The following SPON1 variants were observed in gnomAD, a reference collection of about 807,000 sequenced individuals.
SPON1 encodes spondin-1.
Under a neutral mutation model 111.7 loss-of-function variants are expected in SPON1, and 52 were observed. The observed-to-expected ratio is 0.47, with a 90% CI of 0.37 to 0.59. The LOEUF (loss-of-function observed/expected upper bound fraction) is 0.59, where lower values mean the gene tolerates loss of function less well. Ranked by LOEUF, SPON1 falls within the 20% of genes least tolerant of loss-of-function variation. The pLI, the probability that SPON1 is intolerant of heterozygous loss-of-function variation, is 0.00. For synonymous variants in SPON1, 410 were observed against 395.8 expected, an observed-to-expected ratio of 1.04 and a Z score of -0.43; for missense variants, 957 against 1,068.5, an observed-to-expected ratio of 0.90 and a Z score of 1.46.
Position 14,259,201 on chromosome 11 carries a change from G to A in SPON1, c.1493-79G>A, listed in dbSNP as rs2133926309. The A allele has an allele frequency of 6.9e-7, 1 of 1,452,766 alleles. No individual in the cohort carries two copies. The highest frequency in any genetic ancestry group is 9.2e-7 in the Non-Finnish European group (1 of 1,089,428). The allele number at this position is 1,452,766 out of a possible 1,614,324, so 90.0% of individuals were successfully genotyped here. A position where few individuals can be genotyped will look rare whatever the true frequency, so the allele number is the denominator to read the frequency against. ...GCCTGACTCCTCTTGATTCCCGCTGGCGGGAAGTTCCCACCGCGCAGCCTG... is the reference window on the plus strand; with the variant it reads ...GCCTGACTCCTCTTGATTCCCGCTGACGGGAAGTTCCCACCGCGCAGCCTG... On this transcript the variant is annotated intron_variant, in intron 11 of 15. Coordinates refer to ENST00000576479, the MANE Select transcript of SPON1 (RefSeq NM_006108.4). This position sits in a 1 kb window ranked among gnomAD's most constrained non-coding sequence, Gnocchi z 5.0.
intron 3 of SPON1, among the ~76,000 whole-genome samples, chr11:14,052,142 A>T (rs1554918664): frequency 6.6e-6 from 1 of 152,184 alleles, no homozygotes; most frequent in Non-Finnish European, 1.5e-5. Flanking sequence ...GTGAGGTGAG[A>T]TATTGTTCCC....
chr11:14,068,212 C>A (rs1329748805), intron 3 of SPON1, among the ~76,000 whole-genome samples: 6 of 152,134 alleles, frequency 3.9e-5, no homozygotes, highest in Middle Eastern at 3.4e-3. Flanking sequence ...TGAAGTTGAA[C>A]AATATGAGAG....
Position 14,111,472 on chromosome 11 carries a change from T to C in SPON1, c.677-23948T>C, listed in dbSNP as rs1919301. Among the ~76,000 whole-genome samples, 1,101 of 152,308 alleles carry C rather than the reference T, an allele frequency of 7.2e-3. 13 individuals are homozygous for C. The highest frequency in any genetic ancestry group is 0.025 in the African/African-American group (1,055 of 41,564). ...CAAGAAGTCTTCACTTTTAAGAGAA[T>C]ATTTCAATTACTTAAAACGATCATA... is the stretch of plus-strand genomic sequence containing the variant. On this transcript the variant is annotated intron_variant, in intron 5 of 15. Coordinates refer to ENST00000576479, the MANE Select transcript of SPON1 (RefSeq NM_006108.4).
In SPON1 at chr11:14,006,402, C is replaced by G. The variant is rs542334967; in HGVS notation, c.345+23449C>G. Reference sequence around the variant, plus strand: ...GAGAGCTCTCATCAATATGGAAGAGCTTGGAGAAGATAAGAACAGAGGCAG... The same window carrying G: ...GAGAGCTCTCATCAATATGGAAGAGGTTGGAGAAGATAAGAACAGAGGCAG... On this transcript the variant is annotated intron_variant, in intron 2 of 15. Transcript: ENST00000576479. Among the ~76,000 whole-genome samples the G allele has an allele frequency of 2.6e-5, 4 of 152,116 alleles. No homozygotes were observed. In the South Asian group the frequency reaches 6.2e-4, roughly 24 times the overall value.
At chr11:14,218,880 G>A (rs1848651642) in intron 6 of SPON1, among the ~76,000 whole-genome samples, 1 of 152,150 alleles carries the variant, frequency 6.6e-6, no homozygotes, top group Non-Finnish European at 1.5e-5. Context: ...TTGACAATTT[G>A]GATACAATAA....
intron 6 of SPON1, among the ~76,000 whole-genome samples, chr11:14,176,644 G>T (rs1200039747): frequency 6.6e-6 from 1 of 152,154 alleles, no homozygotes; most frequent in Non-Finnish European, 1.5e-5. Flanking sequence ...CTGTGATGGG[G>T]TACAGTTAAG....
At position 14,148,678 on chromosome 11, in the gene SPON1, G is replaced by A. The variant is rs77288236; in HGVS notation, c.825+13110G>A. Among the ~76,000 whole-genome samples, 746 of 152,282 alleles carry A rather than the reference G, an allele frequency of 4.9e-3. 10 individuals carry two copies. Among genetic ancestry groups the A allele is most frequent in the African/African-American group, 0.017 (691 of 41,556 alleles). On this transcript the variant is annotated intron_variant, in intron 6 of 15. Transcript: ENST00000576479. ...TGTCCAAATGCTAGTGGCAACACAG[G>A]ACTTTTGACTTCCCTCCTGGTACTT...
At chr11:14,077,948 G>C (rs1263493738) in intron 4 of SPON1, among the ~76,000 whole-genome samples, 1 of 152,190 alleles carries the variant, frequency 6.6e-6, no homozygotes, top group East Asian at 1.9e-4. Flanking sequence ...TACAGGAAGA[G>C]AGTTGCAAAG....
intron 5 of SPON1, among the ~76,000 whole-genome samples, chr11:14,109,230 T>A (rs1206600700): frequency 1.3e-5 from 2 of 152,012 alleles, no homozygotes; most frequent in East Asian, 3.9e-4. Context: ...CCCACCTCAG[T>A]CTCCTAAGAA....
chr11:14,089,269 T>A (rs1255014114), intron 5 of SPON1, among the ~76,000 whole-genome samples: 5 of 152,204 alleles, frequency 3.3e-5, no homozygotes, highest in African/African-American at 1.2e-4. Flanking sequence ...TTCATGGATT[T>A]ATCTACCTTT....
chr11:14,024,453 G>A (rs1554915081), intron 2 of SPON1, among the ~76,000 whole-genome samples: 1 of 152,074 alleles, frequency 6.6e-6, no homozygotes, highest in Non-Finnish European at 1.5e-5. Context: ...GATGGAGTGG[G>A]AAGGTGGTCT....
chr11:14,258,651 C>T (rs1281780972), intron 11 of SPON1, among the ~76,000 whole-genome samples: 1 of 152,220 alleles, frequency 6.6e-6, no homozygotes, highest in Admixed American at 6.5e-5. Context: ...AAGCTTATCC[C>T]ATGCAGGTCA....
chr11:14,010,897 T>C (rs1848399368), intron 2 of SPON1, among the ~76,000 whole-genome samples: 1 of 152,242 alleles, frequency 6.6e-6, no homozygotes, highest in South Asian at 2.1e-4. Context: ...CAGATGAAAT[T>C]GGCCTCCAGC....
At chr11:13,963,197 G>A in intron 1 of SPON1, 55 bp downstream of exon 1, 1 of 1,353,212 alleles carries the variant, frequency 7.4e-7, no homozygotes, top group Non-Finnish European at 9.8e-7. Context: ...CCCGGAGGGC[G>A]CCGACCTCGC....
chr11:14,215,813 T>A (rs986744385), intron 6 of SPON1, among the ~76,000 whole-genome samples: 110 of 152,246 alleles, frequency 7.2e-4, no homozygotes, highest in Non-Finnish European at 1.4e-3. Context: ...CACAGGCTGG[T>A]GGTCTATTTC....
In SPON1 at chr11:14,234,058, C is replaced by T. The variant is rs752698108; in HGVS notation, c.826-9274C>T. ...TACAGTGTGAGCCAAAGCACCCGAC[C>T]CCCAGTGCTGTTTCTTGAAGACTAC... is the stretch of plus-strand genomic sequence containing the variant. On this transcript the variant is annotated intron_variant, in intron 6 of 15. Coordinates refer to ENST00000576479, the MANE Select transcript of SPON1 (RefSeq NM_006108.4). 1.2e-3 allele frequency among the ~76,000 whole-genome samples: 185 copies of T among 152,246 alleles called. 1 individual carries two copies. The highest frequency in any genetic ancestry group is 1.9e-3 in the Non-Finnish European group (132 of 68,002).
At chr11:14,022,155 T>G (rs1349892872) in intron 2 of SPON1, among the ~76,000 whole-genome samples, 1 of 152,226 alleles carries the variant, frequency 6.6e-6, no homozygotes, top group Admixed American at 6.5e-5. Context: ...ATGAATTGGT[T>G]ACTATTCTAT....
chr11:13,989,950 A>G (rs1848214517), intron 2 of SPON1, among the ~76,000 whole-genome samples: 1 of 152,086 alleles, frequency 6.6e-6, no homozygotes, highest in Non-Finnish European at 1.5e-5. Context: ...TTTGCTGAGG[A>G]GTGTTTTACT....
At chr11:14,102,591 C>G (rs1034735168) in intron 5 of SPON1, among the ~76,000 whole-genome samples, 6 of 152,214 alleles carry the variant, frequency 3.9e-5, no homozygotes, top group African/African-American at 1.4e-4. Flanking sequence ...GGTTCAAGAT[C>G]CAGTCTAAGA....
Sources: allele counts gnomAD v4.1 joint callset (sites outside exome capture counted in the v4.1 genomes callset), GRCh38; gene constraint gnomAD v4.1.1; non-coding constraint Gnocchi (gnomAD v3.1); transcripts MANE v1.5; gene names NCBI Gene and HGNC (gene_info 2026-07-23, HGNC 2026-07-21).